Variants in COL5A1 observed in about 807,000 individuals in gnomAD.
COL5A1 encodes collagen alpha-1(V) chain.
In COL5A1, 16 loss-of-function variants were observed where a neutral mutation model predicts 263.7. The observed-to-expected ratio is 0.06, with a 90% CI of 0.04 to 0.09. The LOEUF is 0.09. COL5A1 is among the 10% of genes least tolerant of loss of function. The probability of loss-of-function intolerance (pLI) is 1.00; values close to 1 mark genes in which losing one functional copy is unlikely to be tolerated. For missense variants in COL5A1, 2,036 were observed against 2,540.5 expected (o/e 0.80, Z 4.27); for synonymous variants, 1,012 against 1,004.5 (o/e 1.01, Z -0.14).
At chr9:134,806,066 A>T in intron 41 of COL5A1, 123 bp from the exon 42 acceptor site, 1 of 749,140 alleles carries the variant, frequency 1.3e-6, no homozygotes, top group South Asian at 1.5e-5. Flanking sequence ...GCAAAGGGCC[A>T]TAGGGAGCCA....
chr9:134,674,797 C>G (rs981976231), intron 1 of COL5A1, among the ~76,000 whole-genome samples: 9 of 152,044 alleles, frequency 5.9e-5, no homozygotes, highest in African/African-American at 2.2e-4. Context: ...AGGAGAATCG[C>G]TTGAACCTGG....
In COL5A1 at chr9:134,804,971, T is replaced by G. The variant is rs1838245123; in HGVS notation, c.3115-4T>G. On this transcript the variant is annotated splice_polypyrimidine_tract_variant and splice_region_variant and intron_variant, in intron 39 of 65. Coordinates refer to ENST00000371817, the MANE Select transcript of COL5A1 (RefSeq NM_000093.5). ...GGAAAGCTCATCTCTGACTCTGTTT[T>G]CAGGGTGACCCAGGCCCTGCAGGCC... 2.5e-6 allele frequency: 4 copies of G among 1,612,928 alleles called. No homozygotes were observed. Among genetic ancestry groups the G allele is most frequent in the Non-Finnish European group, 3.4e-6 (4 of 1,179,386 alleles).
Position 134,792,840 on chromosome 9 carries a change from TGTGTGTGTGC to T in COL5A1, c.2701-2240_2701-2231del, listed in dbSNP as rs1837753652. On this transcript the variant is annotated intron_variant, in intron 32 of 65. Coordinates refer to ENST00000371817, the MANE Select transcript of COL5A1 (RefSeq NM_000093.5). Reference sequence around the variant, plus strand: ...GTGCATGTGTGTGTATGCATGTGTATGTGTGTGTGCGCACACGTGTGTGTGCGCGCGTTTG... The same window carrying T: ...GTGCATGTGTGTGTATGCATGTGTATGCACACGTGTGTGTGCGCGCGTTTG... Among the ~76,000 whole-genome samples the T allele has an allele frequency of 7.5e-5, 5 of 66,420 alleles. No homozygotes were observed. The South Asian group carries it at 1.7e-3, about 23-fold the overall frequency. 43.6% of individuals were successfully genotyped at this position (66,420 alleles called of 152,430 possible). A position where few individuals can be genotyped will look rare whatever the true frequency, so the allele number is the denominator to read the frequency against.
At chr9:134,816,600 G>A (rs1215210236) in intron 52 of COL5A1, among the ~76,000 whole-genome samples, 3 of 152,250 alleles carry the variant, frequency 2.0e-5, no homozygotes, top group African/African-American at 7.2e-5. Context: ...CGTCCACTCA[G>A]AGAAGGGGTT....
chr9:134,745,774 C>T (rs549063743), intron 11 of COL5A1, among the ~76,000 whole-genome samples: 2 of 152,284 alleles, frequency 1.3e-5, no homozygotes, highest in East Asian at 1.9e-4. Flanking sequence ...TCTCTTAGTT[C>T]TGGAGGCCAG....
intron 18 of COL5A1, among the ~76,000 whole-genome samples, chr9:134,760,905 ACATGC>A: frequency 6.7e-6 from 1 of 148,332 alleles, no homozygotes; most frequent in East Asian, 2.1e-4. Flanking sequence ...ACGCATACAC[ACATGC>A]ACACACACAC....
rs1005592469 is a variant in COL5A1, at chr9:134,821,046, G to C, written c.4554+823G>C. On this transcript the variant is annotated intron_variant, in intron 58 of 65. Transcript: ENST00000371817. This position sits in a 1 kb window ranked among gnomAD's most constrained non-coding sequence, Gnocchi z 4.2. ...GGGAAGGTTGCAGGACATGGCTGAA[G>C]GGTGGAGCTCATTGCAAACCCTACC... Among the ~76,000 whole-genome samples the C allele has an allele frequency of 6.6e-6, 1 of 152,160 alleles. No individual in the cohort carries two copies. Among genetic ancestry groups the C allele is most frequent in the African/African-American group, 2.4e-5 (1 of 41,436 alleles).
chr9:134,777,459 A>G (rs189713417), intron 27 of COL5A1, among the ~76,000 whole-genome samples: 5 of 152,294 alleles, frequency 3.3e-5, no homozygotes, highest in East Asian at 1.9e-4. Context: ...AGCAGCCCCA[A>G]TGTCAACAGC....
At chr9:134,751,780 G>C (rs1378621331) in intron 13 of COL5A1, among the ~76,000 whole-genome samples, 1 of 152,226 alleles carries the variant, frequency 6.6e-6, no homozygotes, top group Admixed American at 6.5e-5. Context: ...AATGATCAGA[G>C]TGCTTAGGTA....
chr9:134,763,976 A>G (rs1365528648), intron 20 of COL5A1, among the ~76,000 whole-genome samples: 1 of 119,150 alleles, frequency 8.4e-6, no homozygotes, highest in African/African-American at 3.4e-5. Flanking sequence ...CTGGCCCTCA[A>G]GGGTTGTTGT....
chr9:134,671,166 G>A (rs1370607235), intron 1 of COL5A1, among the ~76,000 whole-genome samples: 1 of 152,214 alleles, frequency 6.6e-6, no homozygotes, highest in Non-Finnish European at 1.5e-5. Context: ...CTTCTGGGAG[G>A]GCAGACGGAG....
intron 26 of COL5A1, among the ~76,000 whole-genome samples, chr9:134,773,310 G>T (rs529088163): frequency 6.6e-6 from 1 of 152,206 alleles, no homozygotes; most frequent in Non-Finnish European, 1.5e-5. Flanking sequence ...GGCCTGCTGG[G>T]CTGCGAGGGT....
At chr9:134,788,290 A>G (rs1369106233) in intron 31 of COL5A1, among the ~76,000 whole-genome samples, 1 of 145,884 alleles carries the variant, frequency 6.9e-6, no homozygotes, top group Non-Finnish European at 1.5e-5. Context: ...ATGGGTGGGC[A>G]GGTAAGTAGA....
chr9:134,746,231 G>A lies in COL5A1; in HGVS notation c.1495-4311G>A, dbSNP rs552145951. Among the ~76,000 whole-genome samples, 7 of 152,216 alleles carry A rather than the reference G, an allele frequency of 4.6e-5. No homozygotes were observed. The East Asian group carries it at 9.7e-4, about 21-fold the overall frequency. ...TCCCGAGCTGGGCCTGCCCAGGGTC[G>A]GGCCTGGACAGAACCACATGCACAC... On this transcript the variant is annotated intron_variant, in intron 11 of 65. Transcript: ENST00000371817.
At chr9:134,773,049 C>T (rs1836917860) in intron 26 of COL5A1, among the ~76,000 whole-genome samples, 1 of 124,848 alleles carries the variant, frequency 8.0e-6, no homozygotes, top group Non-Finnish European at 1.8e-5. Flanking sequence ...GTCAGTGCCC[C>T]TCACCCCACC....
At chr9:134,839,291 A>G (rs1176165500) in intron 65 of COL5A1, among the ~76,000 whole-genome samples, 1 of 152,178 alleles carries the variant, frequency 6.6e-6, no homozygotes, top group Admixed American at 6.5e-5. Flanking sequence ...CTGGCCTGTA[A>G]TGGTTATTTA....
intron 18 of COL5A1, among the ~76,000 whole-genome samples, chr9:134,760,037 C>A (rs1300271169): frequency 8.3e-6 from 1 of 121,124 alleles, no homozygotes; most frequent in Non-Finnish European, 1.7e-5. Context: ...CACGCACACA[C>A]GCACATACAC....
At chr9:134,729,238 G>A (rs2132636510) in intron 6 of COL5A1, among the ~76,000 whole-genome samples, 1 of 152,310 alleles carries the variant, frequency 6.6e-6, no homozygotes, top group Middle Eastern at 3.4e-3. Flanking sequence ...TCCCCGCTCT[G>A]GGCTGTCATC....
intron 1 of COL5A1, among the ~76,000 whole-genome samples, chr9:134,654,119 AGGGTGTGTAGTGCTGG>A (rs1189318487): frequency 1.1e-4 from 2 of 18,778 alleles, no homozygotes; most frequent in Admixed American, 1.2e-3. Flanking sequence ...TGTAGGGCTT[AGGGTGTGTAGTGCTGG>A]GGGTGTGTAG....
Sources: gnomAD v4.1 joint callset for allele counts (sites outside exome capture counted in the v4.1 genomes callset) on GRCh38, gnomAD v4.1.1 for gene constraint, Gnocchi (gnomAD v3.1) non-coding constraint, MANE v1.5 for transcripts, NCBI Gene and HGNC (gene_info 2026-07-23, HGNC 2026-07-21) for gene names.